Variants in KATNIP observed in about 807,000 individuals in gnomAD.
KATNIP encodes katanin interacting protein, also known as katanin-interacting protein.
Under a neutral mutation model 174.0 loss-of-function variants are expected in KATNIP, and 126 were observed. The observed-to-expected ratio is 0.72, with a 90% confidence interval of 0.63 to 0.84. The LOEUF is 0.84. Among genes scored for constraint, KATNIP ranks in the 40% least tolerant of loss-of-function variants. KATNIP has a pLI of 0.00. For synonymous variants in KATNIP, 810 were observed against 835.7 expected (o/e 0.97, Z 0.53); for missense variants, 1,958 against 2,109.7 (o/e 0.93, Z 1.41).
At chr16:27,659,128 C>G (rs1009362142) in intron 6 of KATNIP, among the ~76,000 whole-genome samples, 1 of 152,056 alleles carries the variant, frequency 6.6e-6, no homozygotes, top group Non-Finnish European at 1.5e-5. Flanking sequence ...GAATTATGTT[C>G]AGCATAGTCT....
intron 15 of KATNIP, among the ~76,000 whole-genome samples, chr16:27,741,470 G>A (rs145268823): frequency 3.5e-4 from 54 of 152,156 alleles, no homozygotes; most frequent in African/African-American, 1.3e-3. Context: ...TAACACAAGT[G>A]TGATGATGCA....
chr16:27,714,469 A>C (rs544226380), intron 13 of KATNIP, among the ~76,000 whole-genome samples: 29 of 152,294 alleles, frequency 1.9e-4, no homozygotes, highest in African/African-American at 7.0e-4. Context: ...GACTCACAGG[A>C]ATTTGTAAAA....
intron 12 of KATNIP, among the ~76,000 whole-genome samples, chr16:27,704,906 CTTTTTTTT>C (rs560766968): frequency 7.1e-5 from 9 of 127,552 alleles, no homozygotes; most frequent in South Asian, 2.6e-4. Flanking sequence ...TCTTTTTTTT[CTTTTTTTT>C]TTTTTTTTTT....
At chr16:27,699,732 C>T (rs574705547) in intron 10 of KATNIP, 133 bp downstream of exon 10, 1 of 1,176,646 alleles carries the variant, frequency 8.5e-7, no homozygotes, top group African/African-American at 1.5e-5. Flanking sequence ...CTTTCCTTCA[C>T]ACTGTCCTAC....
Position 27,721,557 on chromosome 16 carries a change from G to T in KATNIP, c.1606-1G>T. 2.5e-6 allele frequency: 4 copies of T among 1,614,062 alleles called. No homozygotes were observed. The highest frequency in any genetic ancestry group is 3.4e-6 in the Non-Finnish European group (4 of 1,179,994). ...ATTTCCTTCTCTTGCTGGCCTTCTA[G>T]GGCAAGAAAGACTCCTCCCCGTGGA... On this transcript the variant is annotated splice_acceptor_variant, in intron 13 of 27. Transcript: ENST00000261588. LOFTEE classifies it high-confidence loss of function.
chr16:27,722,858 T>C (rs761180031), intron 14 of KATNIP, among the ~76,000 whole-genome samples: 1 of 152,266 alleles, frequency 6.6e-6, no homozygotes, highest in South Asian at 2.1e-4. Flanking sequence ...GCCTTCCTTA[T>C]GTGTAAATGT....
At chr16:27,754,624 T>C (rs2081646189) in intron 18 of KATNIP, 1 of 182,702 alleles carries the variant, frequency 5.5e-6, no homozygotes, top group African/African-American at 2.4e-5. Flanking sequence ...GTTGGTGCAG[T>C]GCCCCGAGCT....
intron 8 of KATNIP, among the ~76,000 whole-genome samples, chr16:27,690,371 A>AGAT (rs1208515214): frequency 1.1e-4 from 15 of 133,300 alleles, no homozygotes; most frequent in African/African-American, 3.4e-4. Context: ...GATGATAGAT[A>AGAT]GATAGATAGA....
intron 5 of KATNIP, among the ~76,000 whole-genome samples, chr16:27,642,146 GA>G (rs1195998370): frequency 6.6e-6 from 1 of 152,178 alleles, no homozygotes; most frequent in Non-Finnish European, 1.5e-5. Context: ...AACAATGATA[GA>G]TTGGATTAAC....
In KATNIP at chr16:27,621,364, C is replaced by T. The variant is rs551582678; in HGVS notation, c.140+2863C>T. On this transcript the variant is annotated intron_variant, in intron 3 of 27. Transcript: ENST00000261588. ...AGTGTTTAGATTATGTAATCAAAAT[C>T]GACTATTCTCCATTTTCTATACCCT... Among the ~76,000 whole-genome samples the T allele has an allele frequency of 6.6e-4, 101 of 152,164 alleles. 1 individual carries two copies. Among genetic ancestry groups the T allele is most frequent in the African/African-American group, 2.3e-3 (96 of 41,504 alleles).
chr16:27,623,167 C>G (rs1387696492), intron 3 of KATNIP, among the ~76,000 whole-genome samples: 1 of 152,222 alleles, frequency 6.6e-6, no homozygotes, highest in African/African-American at 2.4e-5. Flanking sequence ...TCTTCTTGCT[C>G]AGAGCCTCTG....
At chr16:27,750,755 T>G (rs1161044907) in intron 16 of KATNIP, among the ~76,000 whole-genome samples, 34 of 136,116 alleles carry the variant, frequency 2.5e-4, no homozygotes, top group Non-Finnish European at 4.2e-4. Context: ...TTTTTTTTTT[T>G]GGGTGGGGAG....
chr16:27,599,714 CCT>C (rs886708808), intron 2 of KATNIP, among the ~76,000 whole-genome samples: 1 of 152,204 alleles, frequency 6.6e-6, no homozygotes, highest in Non-Finnish European at 1.5e-5. Context: ...CCACCCAACC[CCT>C]TTCTTACTCC....
intron 2 of KATNIP, among the ~76,000 whole-genome samples, chr16:27,614,490 T>G (rs114406934): frequency 0.022 from 3,326 of 152,150 alleles, 138 homozygotes; most frequent in African/African-American, 0.076. Flanking sequence ...TTTTTATTTT[T>G]AAGAGACAGG....
At position 27,766,421 on chromosome 16, in the gene KATNIP, G is replaced by A. The variant is rs112745362; in HGVS notation, c.3922G>A (p.Ala1308Thr). The change falls in exon 20 of 28, where the codon GCA (alanine) becomes ACA (threonine). Residue 1308 changes from alanine (A) to threonine (T), a missense_variant. By Grantham distance (58) the Ala-to-Thr change is moderately conservative (BLOSUM62 0). This residue lies in a region of KATNIP where 383 missense variants were observed against 456.0 expected (regional missense o/e 0.84). Coordinates refer to ENST00000261588, the MANE Select transcript of KATNIP (RefSeq NM_015202.5). ...CCGCCTGGACAGGGCCGAAAGCATC[G>A]CAGGCCTGCGCTTCTGGAACTACAA... ...TIRLDRAESI[A>T]GLRFWNYNKS... 27 of 1,613,928 alleles carry A rather than the reference G, an allele frequency of 1.7e-5. No homozygotes were observed. Among genetic ancestry groups the A allele is most frequent in the African/African-American group, 1.1e-4 (8 of 74,932 alleles).
At chr16:27,757,389 G>T in intron 18 of KATNIP, 1 of 494,864 alleles carries the variant, frequency 2.0e-6, no homozygotes, top group Non-Finnish European at 2.6e-6. Flanking sequence ...CCGAGCACAG[G>T]GTGGTTCTCC....
rs546592781 is a variant in KATNIP, at chr16:27,662,639, T to A, written c.540+13904T>A. Among the ~76,000 whole-genome samples, 4 of 152,282 alleles carry A rather than the reference T, an allele frequency of 2.6e-5. No individual in the cohort carries two copies. The South Asian group carries it at 8.3e-4, about 32-fold the overall frequency. ...GAGATGTAGTGATCCCATCCCTCAG[T>A]AGGGTGTTTCTACAAATGAAGGTGC... is the stretch of plus-strand genomic sequence containing the variant. On this transcript the variant is annotated intron_variant, in intron 6 of 27. Coordinates refer to ENST00000261588, the MANE Select transcript of KATNIP (RefSeq NM_015202.5).
chr16:27,631,175 T>G lies in KATNIP; in HGVS notation c.408+13T>G, dbSNP rs1405914477. On this transcript the variant is annotated intron_variant, in intron 5 of 27. Transcript: ENST00000261588. ...AGGATGGCACCAGGTCTGGAGACTG[T>G]GGCCCCAGCCCACGCTTTAGAATAC... The G allele has an allele frequency of 1.9e-6, 3 of 1,548,984 alleles. No homozygotes were observed. In the Admixed American group the frequency reaches 5.8e-5, roughly 30 times the overall value.
At chr16:27,713,467 A>G (rs2143005846) in intron 13 of KATNIP, among the ~76,000 whole-genome samples, 1 of 151,960 alleles carries the variant, frequency 6.6e-6, no homozygotes, top group South Asian at 2.1e-4. Flanking sequence ...ATTTGGGCAC[A>G]GTGGTTCACA....
Sources: allele counts gnomAD v4.1 joint callset (sites outside exome capture counted in the v4.1 genomes callset), GRCh38; gene constraint gnomAD v4.1.1; regional missense constraint gnomAD v4.1.1; transcripts MANE v1.5; gene names NCBI Gene and HGNC (gene_info 2026-07-23, HGNC 2026-07-21).